The following ENTREP2 variants were observed in gnomAD, a reference collection of about 807,000 sequenced individuals.
The protein encoded by ENTREP2 is endosomal transmembrane epsin interactor 2.
At chr15:29,130,152 G>A in the ENTREP2 span, among the ~76,000 whole-genome samples, 50 of 152,322 alleles carry the variant, frequency 3.3e-4, no homozygotes, top group South Asian at 1.4e-3. Flanking sequence ...CCCCCACAGC[G>A]TGGGGCTCGA....
At chr15:29,384,707 C>T in the ENTREP2 span, among the ~76,000 whole-genome samples, 1 of 152,154 alleles carries the variant, frequency 6.6e-6, no homozygotes, top group Non-Finnish European at 1.5e-5. Flanking sequence ...TCCCTCCACA[C>T]CCAACCTCCG....
chr15:29,455,313 A>T, the ENTREP2 span, among the ~76,000 whole-genome samples: 1 of 152,082 alleles, frequency 6.6e-6, no homozygotes, highest in East Asian at 1.9e-4. Flanking sequence ...CAGCAAAGAG[A>T]GCCACCCAGC....
chr15:29,247,832 A>G, the ENTREP2 span, among the ~76,000 whole-genome samples: 1 of 152,166 alleles, frequency 6.6e-6, no homozygotes, highest in East Asian at 1.9e-4. Flanking sequence ...ACTCCCTCCC[A>G]GCTCTTTGAC....
the ENTREP2 span, among the ~76,000 whole-genome samples, chr15:29,318,772 C>T: frequency 6.6e-6 from 1 of 152,182 alleles, no homozygotes; most frequent in Admixed American, 6.5e-5. Context: ...CAATAGTCTG[C>T]AACAGAACCC....
the ENTREP2 span, among the ~76,000 whole-genome samples, chr15:29,206,147 G>C: frequency 6.6e-6 from 1 of 152,176 alleles, no homozygotes; most frequent in Non-Finnish European, 1.5e-5. Context: ...CAGAGTTCTG[G>C]AGGCTGGGAA....
At chr15:29,561,524 A>G in the ENTREP2 span, among the ~76,000 whole-genome samples, 1 of 152,014 alleles carries the variant, frequency 6.6e-6, no homozygotes, top group Non-Finnish European at 1.5e-5. Context: ...CATCTCTACT[A>G]AAAATACAAA....
At chr15:29,349,325 T>C in the ENTREP2 span, among the ~76,000 whole-genome samples, 5 of 152,176 alleles carry the variant, frequency 3.3e-5, no homozygotes, top group African/African-American at 7.2e-5. Flanking sequence ...GAACTCCAGA[T>C]TGTTAACATA....
At chr15:29,662,230 AAAAG>A in the ENTREP2 span, among the ~76,000 whole-genome samples, 3 of 150,042 alleles carry the variant, frequency 2.0e-5, no homozygotes, top group Non-Finnish European at 3.0e-5. Context: ...AAAAAAAAAA[AAAAG>A]AAAGAAAAAA....
chr15:29,206,680 T>A, the ENTREP2 span, among the ~76,000 whole-genome samples: 1 of 152,130 alleles, frequency 6.6e-6, no homozygotes, highest in Non-Finnish European at 1.5e-5. Flanking sequence ...GGGTATGGTA[T>A]GTTTTTTTGA....
At chr15:29,547,173 G>A in the ENTREP2 span, among the ~76,000 whole-genome samples, 20 of 149,582 alleles carry the variant, frequency 1.3e-4, no homozygotes, top group Admixed American at 3.3e-4. Flanking sequence ...CTACACCTCC[G>A]CTCCCAGGTT....
chr15:29,404,685 T>C, the ENTREP2 span, among the ~76,000 whole-genome samples: 27 of 151,504 alleles, frequency 1.8e-4, no homozygotes, highest in African/African-American at 6.5e-4. Flanking sequence ...CCTGGCTCCA[T>C]CCTCCAGGGT....
At chr15:29,545,480 A>T in the ENTREP2 span, among the ~76,000 whole-genome samples, 1 of 152,240 alleles carries the variant, frequency 6.6e-6, no homozygotes, top group Non-Finnish European at 1.5e-5. Context: ...TGTGATCTTG[A>T]GTAAAACAAC....
chr15:29,173,890 T>C, the ENTREP2 span, among the ~76,000 whole-genome samples: 1 of 150,672 alleles, frequency 6.6e-6, no homozygotes, highest in African/African-American at 2.5e-5. Context: ...TATTAGCAAT[T>C]ATATAAGCAA....
the ENTREP2 span, among the ~76,000 whole-genome samples, chr15:29,463,609 G>T: frequency 3.0e-3 from 458 of 151,912 alleles, 2 homozygotes; most frequent in African/African-American, 0.01. Flanking sequence ...TTTTTTTCCT[G>T]CTACCCAACA....
At chr15:29,645,953 A>C in the ENTREP2 span, among the ~76,000 whole-genome samples, 1 of 152,180 alleles carries the variant, frequency 6.6e-6, no homozygotes, top group East Asian at 1.9e-4. Context: ...GATTTATTTC[A>C]GAGTGAAATA....
chr15:29,662,100 A>G, the ENTREP2 span, among the ~76,000 whole-genome samples: 1 of 151,190 alleles, frequency 6.6e-6, no homozygotes, highest in Non-Finnish European at 1.5e-5. Context: ...AATCCCTGCT[A>G]CTGGGGAGGC....
At chr15:29,423,900 A>T in the ENTREP2 span, among the ~76,000 whole-genome samples, 523 of 152,324 alleles carry the variant, frequency 3.4e-3, 2 homozygotes, top group African/African-American at 0.012. Flanking sequence ...CCAATGATGT[A>T]CATTCAGACT....
chr15:29,232,654 G>A, the ENTREP2 span, among the ~76,000 whole-genome samples: 1 of 142,686 alleles, frequency 7.0e-6, no homozygotes, highest in Non-Finnish European at 1.5e-5. Context: ...CACCACACCC[G>A]CCTAATTAAA....
the ENTREP2 span, among the ~76,000 whole-genome samples, chr15:29,271,149 A>G: frequency 6.6e-6 from 1 of 152,350 alleles, no homozygotes; most frequent in Non-Finnish European, 1.5e-5. Context: ...GCAATGAGTA[A>G]TAACTTACTG....
Sources: allele counts gnomAD v4.1 joint callset (sites outside exome capture counted in the v4.1 genomes callset), GRCh38; gene constraint gnomAD v4.1.1; transcripts MANE v1.5; gene names NCBI Gene and HGNC (gene_info 2026-07-23, HGNC 2026-07-21).